The following SNRNP27 variants were observed in gnomAD, a reference collection of about 807,000 sequenced individuals.
SNRNP27 encodes small nuclear ribonucleoprotein U4/U6.U5 subunit 27.
In SNRNP27, 22 loss-of-function variants were observed where a neutral mutation model predicts 25.1. The observed-to-expected ratio is 0.88, with a 90% CI of 0.63 to 1.25. SNRNP27 has a LOEUF of 1.25. Ranked by LOEUF, SNRNP27 falls within the 50% of genes most tolerant of loss-of-function variation. The pLI is 0.00. For missense variants in SNRNP27, 150 were observed against 202.3 expected (o/e 0.74, Z 1.57); for synonymous variants, 66 against 64.9 (o/e 1.02, Z -0.08).
chr2:69,895,680 TC>T lies in SNRNP27; in HGVS notation c.155+469del, dbSNP rs1018108039. ...GTTCAAGCAATTCTGCTGCTGAGCCTCCCAAGTAGCTGGGACTACAGGCACA... is the reference window on the plus strand; with the variant it reads ...GTTCAAGCAATTCTGCTGCTGAGCCTCCAAGTAGCTGGGACTACAGGCACA... On this transcript the variant is annotated intron_variant, in intron 2 of 5. Transcript: ENST00000244227. 2.8e-4 allele frequency among the ~76,000 whole-genome samples: 42 copies of T among 152,240 alleles called. 1 individual carries two copies. The highest frequency in any genetic ancestry group is 3.4e-3 in the Middle Eastern group (1 of 294).
chr2:69,902,490 CTCTGCTGCTGCTGCTGCT>C (rs1250052023), intron 4 of SNRNP27, among the ~76,000 whole-genome samples: 3 of 128,764 alleles, frequency 2.3e-5, no homozygotes, highest in African/African-American at 8.8e-5. Flanking sequence ...TTTCTGTTTC[CTCTGCTGCTGCTGCTGCT>C]TGTGCTGCTG....
intron 4 of SNRNP27, among the ~76,000 whole-genome samples, chr2:69,901,066 C>A (rs749664818): frequency 6.6e-6 from 1 of 151,572 alleles, no homozygotes; most frequent in South Asian, 2.1e-4. Context: ...CCCAGCTATT[C>A]GATAGGCTGA....
Position 69,904,450 on chromosome 2 carries a change from A to G in SNRNP27, c.*142A>G. On this transcript the variant is annotated 3_prime_UTR_variant, in exon 6 of 6. Coordinates refer to ENST00000244227, the MANE Select transcript of SNRNP27 (RefSeq NM_006857.3). ...AGTAAGAAAATCTTATTTATGATAT[A>G]TGCAGTTAACTTACCTTGCCTCAAC... 1.4e-6 allele frequency: 1 copy of G among 724,806 alleles called. No homozygotes were observed. 44.9% of individuals were successfully genotyped at this position (724,806 alleles called of 1,614,324 possible).
At position 69,894,050 on chromosome 2, in the gene SNRNP27, G is replaced by A. The variant is rs374753684; in HGVS notation, c.34+32G>A. 1.3e-5 allele frequency: 20 copies of A among 1,594,078 alleles called. No homozygotes were observed. In the African/African-American group the frequency reaches 2.6e-4, roughly 20 times the overall value. On this transcript the variant is annotated intron_variant, in intron 1 of 5. Transcript: ENST00000244227. ...CCTGTAGCAATTCGGAGGATATGGG[G>A]CTCTGTTGGAGGCCTGTCCCTTTTG...
chr2:69,897,785 C>T (rs1220884458), intron 4 of SNRNP27: 3 of 198,998 alleles, frequency 1.5e-5, no homozygotes, highest in Admixed American at 5.6e-5. Flanking sequence ...ATTTCAGATT[C>T]GACCAGGGAT....
chr2:69,903,727 TCTAA>T (rs1324769448), intron 5 of SNRNP27, among the ~76,000 whole-genome samples: 1 of 152,186 alleles, frequency 6.6e-6, no homozygotes, highest in Non-Finnish European at 1.5e-5. Context: ...TGCCTTTCTC[TCTAA>T]CTTTGTCGCT....
Position 69,904,218 on chromosome 2 carries a change from TA to T in SNRNP27, c.414-27del, listed in dbSNP as rs531645680. ...TTTTTTTATAAGAGGAGTATAGGATTAAAAAAAAACAATGAATTTTCTCTTC... is the reference window on the plus strand; with the variant it reads ...TTTTTTTATAAGAGGAGTATAGGATTAAAAAAAACAATGAATTTTCTCTTC... On this transcript the variant is annotated intron_variant, in intron 5 of 5. Coordinates refer to ENST00000244227, the MANE Select transcript of SNRNP27 (RefSeq NM_006857.3). 10,810 of 1,430,900 alleles carry T rather than the reference TA, an allele frequency of 7.6e-3. 65 individuals carry two copies. Among genetic ancestry groups the T allele is most frequent in the Non-Finnish European group, 9.7e-3 (10,125 of 1,043,878 alleles). 88.6% of individuals were successfully genotyped at this position (1,430,900 alleles called of 1,614,324 possible).
At position 69,897,452 on chromosome 2, in the gene SNRNP27, CA is replaced by C. The variant is rs1387256727; in HGVS notation, c.348del (p.Gly117ValfsTer8). 1 of 1,608,016 alleles carries C rather than the reference CA, an allele frequency of 6.2e-7. No homozygotes were observed. The highest frequency in any genetic ancestry group is 8.5e-7 in the Non-Finnish European group (1 of 1,174,862). On this transcript the variant is annotated frameshift_variant, in exon 4 of 6. Transcript: ENST00000244227. LOFTEE classifies it high-confidence loss of function. The part of the protein sequence containing the change: ...KLMGFASFDS[T>X]KGKKVDGSVN... Reference sequence around the variant, plus strand: ...ATGGGATTTGCCTCCTTTGACTCCACAAAAGTAAGTAAAACGTGCAACATTC... The same window carrying C: ...ATGGGATTTGCCTCCTTTGACTCCACAAAGTAAGTAAAACGTGCAACATTC...
intron 3 of SNRNP27, among the ~76,000 whole-genome samples, chr2:69,896,875 T>TGTTA (rs1189125528): frequency 6.6e-6 from 1 of 152,058 alleles, no homozygotes; most frequent in Non-Finnish European, 1.5e-5. Flanking sequence ...GTTCTCACCA[T>TGTTA]GTTAGCCAGG....
chr2:69,897,719 G>A (rs572261130), intron 4 of SNRNP27: 1 of 374,758 alleles, frequency 2.7e-6, no homozygotes, highest in East Asian at 5.4e-5. Flanking sequence ...TTCAGGTAGA[G>A]GGAAGAGCTC....
chr2:69,897,608 A>C (rs771670058), intron 4 of SNRNP27, 152 bp downstream of exon 4: 7 of 629,024 alleles, frequency 1.1e-5, no homozygotes, highest in Non-Finnish European at 2.0e-5. Flanking sequence ...GAAACAGTGA[A>C]CTGCCATTGG....
At chr2:69,901,051 G>A (rs1245246045) in intron 4 of SNRNP27, among the ~76,000 whole-genome samples, 1 of 152,024 alleles carries the variant, frequency 6.6e-6, no homozygotes, top group Non-Finnish European at 1.5e-5. Flanking sequence ...GTGCATGCCT[G>A]TAGTCCCAGC....
chr2:69,904,531 G>A lies in SNRNP27; in HGVS notation c.*223G>A. ...TTTTAGGAAATATCATTTGTGGCAG[G>A]CGTCAACCCCATTTTATTTGTCCTT... On this transcript the variant is annotated 3_prime_UTR_variant, in exon 6 of 6. Coordinates refer to ENST00000244227, the MANE Select transcript of SNRNP27 (RefSeq NM_006857.3). The A allele has an allele frequency of 1.6e-6, 1 of 606,376 alleles. No individual in the cohort carries two copies. The highest frequency in any genetic ancestry group is 2.1e-5 in the South Asian group (1 of 48,160). The allele number at this position is 606,376 out of a possible 1,614,324, so 37.6% of individuals were successfully genotyped here.
At chr2:69,903,623 T>C (rs58609924) in intron 5 of SNRNP27, among the ~76,000 whole-genome samples, 5,506 of 152,300 alleles carry the variant, frequency 0.036, 334 homozygotes, top group African/African-American at 0.13. Flanking sequence ...TATAGGCATA[T>C]TTTATTTGTA....
chr2:69,902,639 C>T (rs917943289), intron 4 of SNRNP27, among the ~76,000 whole-genome samples: 1 of 151,852 alleles, frequency 6.6e-6, no homozygotes, highest in Non-Finnish European at 1.5e-5. Context: ...GCTGCTCTTG[C>T]TTCTTTTGCT....
intron 3 of SNRNP27, among the ~76,000 whole-genome samples, chr2:69,896,908 A>G (rs768243512): frequency 2.4e-4 from 36 of 152,168 alleles, no homozygotes; most frequent in Non-Finnish European, 2.5e-4. Flanking sequence ...TCCTGACCTC[A>G]GGTGATCCTC....
chr2:69,898,759 T>TG (rs1676644143), intron 4 of SNRNP27, among the ~76,000 whole-genome samples: 1 of 152,218 alleles, frequency 6.6e-6, no homozygotes, highest in East Asian at 1.9e-4. Flanking sequence ...CTCTTGTTCT[T>TG]GCAATGGTTA....
chr2:69,902,938 C>CTTTTTTTTTTTTTTTTT (rs761833954), intron 4 of SNRNP27, among the ~76,000 whole-genome samples: 1 of 92,412 alleles, frequency 1.1e-5, no homozygotes, highest in Non-Finnish European at 1.9e-5. Flanking sequence ...TCTTCTTCTT[C>CTTTTTTTTTTTTTTTTT]TTTTTTTTTT....
chr2:69,900,510 G>C (rs751759924), intron 4 of SNRNP27, among the ~76,000 whole-genome samples: 1 of 152,146 alleles, frequency 6.6e-6, no homozygotes, highest in Non-Finnish European at 1.5e-5. Context: ...ATGAAAATAG[G>C]AATAGAAAAG....
Sources: allele counts gnomAD v4.1 joint callset (sites outside exome capture counted in the v4.1 genomes callset), GRCh38; gene constraint gnomAD v4.1.1; transcripts MANE v1.5; gene names NCBI Gene and HGNC (gene_info 2026-07-23, HGNC 2026-07-21).